Variants in ZNF326 observed in about 807,000 individuals in gnomAD.
ZNF326 encodes DBIRD complex subunit ZNF326.
ZNF326 carries 30 observed loss-of-function variants against 63.1 expected under a neutral mutation model. That is an observed-to-expected ratio of 0.48 (90% CI 0.36 to 0.64). ZNF326 has a LOEUF of 0.64. ZNF326 is among the 30% of genes least tolerant of loss of function. ZNF326 has a pLI of 0.00. For missense variants in ZNF326, 609 were observed against 720.3 expected, an observed-to-expected ratio of 0.85 and a Z score of 1.77; for synonymous variants, 194 against 228.2, an observed-to-expected ratio of 0.85 and a Z score of 1.35.
At chr1:90,026,568 T>C (rs1650025201) in intron 11 of ZNF326, among the ~76,000 whole-genome samples, 1 of 152,192 alleles carries the variant, frequency 6.6e-6, no homozygotes, top group Non-Finnish European at 1.5e-5. Context: ...GTGATTGTAA[T>C]TTACCTGTTC....
At chr1:90,000,577 C>A (rs1648628339) in intron 2 of ZNF326, among the ~76,000 whole-genome samples, 1 of 152,018 alleles carries the variant, frequency 6.6e-6, no homozygotes, top group African/African-American at 2.4e-5. Flanking sequence ...TGGTGGTGCC[C>A]CCCTATAGTT....
intron 11 of ZNF326, among the ~76,000 whole-genome samples, chr1:90,024,551 CAACCTTTAAT>C (rs1322862533): frequency 2.6e-5 from 4 of 152,096 alleles, no homozygotes; most frequent in Non-Finnish European, 5.9e-5. Flanking sequence ...GTGACTCTTC[CAACCTTTAAT>C]AACCTCATGT....
Position 90,007,831 on chromosome 1 carries a change from A to C in ZNF326, c.615+81A>C. Reference sequence around the variant, plus strand: ...TTCAAGACCATCGTTTTCAACTAGAATAAACACTGTTCATCCCGGTGTATT... The same window carrying C: ...TTCAAGACCATCGTTTTCAACTAGACTAAACACTGTTCATCCCGGTGTATT... On this transcript the variant is annotated intron_variant, in intron 5 of 11. Transcript: ENST00000340281. This position sits in a 1 kb window ranked among gnomAD's most constrained non-coding sequence, Gnocchi z 4.9. The C allele has an allele frequency of 4.6e-6, 6 of 1,291,264 alleles. No homozygotes were observed. The highest frequency in any genetic ancestry group is 6.1e-6 in the Non-Finnish European group (6 of 979,406). 80.0% of individuals were successfully genotyped at this position (1,291,264 alleles called of 1,614,324 possible).
intron 2 of ZNF326, among the ~76,000 whole-genome samples, chr1:90,004,590 C>G (rs1648863745): frequency 6.6e-6 from 1 of 152,162 alleles, no homozygotes; most frequent in Admixed American, 6.5e-5. Context: ...GTGACTCATG[C>G]CTGTAATCCC....
intron 1 of ZNF326, among the ~76,000 whole-genome samples, chr1:89,996,484 T>A (rs1648380288): frequency 6.6e-6 from 1 of 152,252 alleles, no homozygotes; most frequent in Non-Finnish European, 1.5e-5. Context: ...TCAGTTACTT[T>A]GAAATAGTAA....
Position 90,027,714 on chromosome 1 carries a change from A to G in ZNF326, c.*13A>G, listed in dbSNP as rs1557533152. On this transcript the variant is annotated 3_prime_UTR_variant, in exon 12 of 12. Transcript: ENST00000340281. ...TGAAGAAAATTAAATATAAGGTATT[A>G]GATTTAAAAGGAGCTTTACATTTCG... is the stretch of plus-strand genomic sequence containing the variant. The G allele has an allele frequency of 2.5e-6, 4 of 1,611,730 alleles. No homozygotes were observed. The highest frequency in any genetic ancestry group is 3.4e-6 in the Non-Finnish European group (4 of 1,178,598).
At chr1:90,018,108 A>G (rs1476091406) in intron 8 of ZNF326, among the ~76,000 whole-genome samples, 1 of 152,172 alleles carries the variant, frequency 6.6e-6, no homozygotes, top group Non-Finnish European at 1.5e-5. Context: ...CCTGAGCAAC[A>G]TGGTGAAACC....
intron 8 of ZNF326, among the ~76,000 whole-genome samples, 174 bp from the exon 9 acceptor site, chr1:90,018,511 G>A (rs1278381883): frequency 6.6e-6 from 1 of 152,028 alleles, no homozygotes; most frequent in Non-Finnish European, 1.5e-5. Flanking sequence ...AATAATTTTT[G>A]TAGGTTCCTA....
At chr1:90,023,000 T>C (rs1252310399) in intron 11 of ZNF326, among the ~76,000 whole-genome samples, 1 of 152,178 alleles carries the variant, frequency 6.6e-6, no homozygotes, top group Non-Finnish European at 1.5e-5. Flanking sequence ...GGTTTGCTTC[T>C]AATATTATGA....
chr1:90,007,464 G>A lies in ZNF326; in HGVS notation c.329G>A (p.Arg110Gln), dbSNP rs201031234. ...QSRFGGSYGG[R>Q]FESSYRNSLD... ...CGCTTCGGAGGTAGTTATGGTGGTC[G>A]ATTTGAGAGCTCCTACCGGAATAGC... Residue 110 changes from arginine to glutamine, a missense_variant, in exon 5 of 12, where the codon CGA (arginine) becomes CAA (glutamine). This residue lies in a region of ZNF326 where 113 missense variants were observed against 187.4 expected (regional missense o/e 0.60). Transcript: ENST00000340281. The surrounding 1 kb of genome is among the most constrained non-coding windows in gnomAD (Gnocchi z 4.9). 1.2e-6 allele frequency: 2 copies of A among 1,614,058 alleles called. No homozygotes were observed. The highest frequency in any genetic ancestry group is 1.7e-6 in the Non-Finnish European group (2 of 1,179,986).
At chr1:90,001,813 C>T (rs1376896621) in intron 2 of ZNF326, among the ~76,000 whole-genome samples, 1 of 152,102 alleles carries the variant, frequency 6.6e-6, no homozygotes, top group East Asian at 1.9e-4. Flanking sequence ...CCGCCTTGGC[C>T]TCCCAAAGGA....
At chr1:90,016,325 A>G (rs1455211800) in intron 7 of ZNF326, among the ~76,000 whole-genome samples, 1 of 152,170 alleles carries the variant, frequency 6.6e-6, no homozygotes, top group African/African-American at 2.4e-5. Flanking sequence ...AATAAATCTA[A>G]TAGCATTGCA....
intron 7 of ZNF326, among the ~76,000 whole-genome samples, chr1:90,013,891 G>A (rs548853760): frequency 6.5e-4 from 98 of 151,890 alleles, no homozygotes; most frequent in Non-Finnish European, 1.1e-3. Flanking sequence ...GTGAAACCCC[G>A]TCTCTACTAA....
At chr1:90,003,969 C>T (rs1393658566) in intron 2 of ZNF326, among the ~76,000 whole-genome samples, 1 of 151,934 alleles carries the variant, frequency 6.6e-6, no homozygotes, top group African/African-American at 2.4e-5. Context: ...TCTGTGTGTA[C>T]TATTGTATTT....
intron 2 of ZNF326, among the ~76,000 whole-genome samples, chr1:90,003,170 G>A (rs1042079075): frequency 1.4e-5 from 2 of 145,302 alleles, no homozygotes; most frequent in African/African-American, 2.6e-5. Flanking sequence ...TCACTCTGTC[G>A]CCCAGGCTGG....
At position 90,034,396 on chromosome 1, in the gene ZNF326, A is replaced by G. The variant is rs1650405815; in HGVS notation, c.*6695A>G. ...TATAATCATAGCTACGTATTTGAACACAGCGCTTAGAAATTGTCAGATAAA... is the reference window on the plus strand; with the variant it reads ...TATAATCATAGCTACGTATTTGAACGCAGCGCTTAGAAATTGTCAGATAAA... On this transcript the variant is annotated 3_prime_UTR_variant, in exon 12 of 12. Coordinates refer to ENST00000340281, the MANE Select transcript of ZNF326 (RefSeq NM_182976.4). 1 of 152,218 alleles carries G rather than the reference A, an allele frequency of 6.6e-6. No homozygotes were observed. The highest frequency in any genetic ancestry group is 6.5e-5 in the Admixed American group (1 of 15,272). The allele number at this position is 152,218 out of a possible 1,614,324, so 9.4% of individuals were successfully genotyped here.
At chr1:90,000,478 T>C (rs1648621058) in intron 2 of ZNF326, among the ~76,000 whole-genome samples, 2 of 152,164 alleles carry the variant, frequency 1.3e-5, no homozygotes, top group African/African-American at 2.4e-5. Flanking sequence ...GTAGGAGCAC[T>C]GCTTGAGGCC....
At chr1:90,012,598 T>G (rs1649304262) in intron 6 of ZNF326, among the ~76,000 whole-genome samples, 1 of 152,198 alleles carries the variant, frequency 6.6e-6, no homozygotes, top group Non-Finnish European at 1.5e-5. Flanking sequence ...GTTTTGTGTA[T>G]TTTATCACAA....
rs1650071107 is a variant in ZNF326 at position 90,027,499 on chromosome 1, A to G, written c.1547A>G (p.Glu516Gly). The change falls in exon 12 of 12, where the codon GAG becomes GGG. Residue 516 changes from glutamate (E) to glycine (G), a missense_variant. Transcript: ENST00000340281. ...GAAGCAGAGGAAGTGGGGGAAGTAG[A>G]GGAAGTGGAAGAAGTAGAGGAAGTG... Reference protein sequence around the residue: ...EEEAEEVGEVEEVEEVEEVRE... With the variant: ...EEEAEEVGEVGEVEEVEEVRE... 6.2e-7 allele frequency: 1 copy of G among 1,612,548 alleles called. No homozygotes were observed. Among genetic ancestry groups the G allele is most frequent in the African/African-American group, 1.3e-5 (1 of 74,802 alleles).
Sources: allele counts gnomAD v4.1 joint callset (sites outside exome capture counted in the v4.1 genomes callset), GRCh38; gene constraint gnomAD v4.1.1; regional missense constraint gnomAD v4.1.1; non-coding constraint Gnocchi (gnomAD v3.1); transcripts MANE v1.5; gene names NCBI Gene and HGNC (gene_info 2026-07-23, HGNC 2026-07-21).